The following GFOD1 variants were observed in gnomAD, a reference collection of about 807,000 sequenced individuals.
The protein encoded by GFOD1 is Gfo/Idh/MocA-like oxidoreductase domain containing 1, also known as glucose-fructose oxidoreductase domain-containing protein 1.
A neutral mutation model predicts 25.4 loss-of-function variants in GFOD1; 9 were observed. The observed-to-expected ratio is 0.35, with a 90% CI of 0.21 to 0.62. GFOD1 has a LOEUF of 0.62. Ranked by LOEUF, GFOD1 falls within the 20% of genes least tolerant of loss-of-function variation. The probability of loss-of-function intolerance (pLI) is 0.72; values close to 1 mark genes in which losing one functional copy is unlikely to be tolerated. For synonymous variants in GFOD1, 253 were observed against 245.6 expected, an observed-to-expected ratio of 1.03 and a Z score of -0.28; for missense variants, 403 against 556.9, an observed-to-expected ratio of 0.72 and a Z score of 2.78.
chr6:13,466,222 C>T (rs541791946), intron 1 of GFOD1, among the ~76,000 whole-genome samples: 2 of 152,256 alleles, frequency 1.3e-5, no homozygotes, highest in Non-Finnish European at 2.9e-5. Flanking sequence ...GGTATAGTGC[C>T]TTCTCTTTAT....
Position 13,365,050 on chromosome 6 carries a change from A to G in GFOD1, c.866T>C (p.Leu289Pro). ...VQDATPVSNS[L>P]LPEKAFSDIP... is the part of the protein sequence containing the mutation. ...GTCGCTGAAGGCCTTCTCCGGAAGC[A>G]GGGAGTTGCTCACCGGCGTGGCGTC... is the stretch of plus-strand genomic sequence containing the variant. The change falls in exon 2 of 2, where the codon CTG (leucine) becomes CCG (proline). Residue 289 changes from leucine (L) to proline (P), a missense_variant. Leu to Pro is a moderately conservative substitution (Grantham distance 98). Transcript: ENST00000379287. The surrounding 1 kb of genome is among the most constrained non-coding windows in gnomAD (Gnocchi z 9.2). 1 of 1,611,006 alleles carries G rather than the reference A, an allele frequency of 6.2e-7. No individual in the cohort carries two copies. The highest frequency in any genetic ancestry group is 8.5e-7 in the Non-Finnish European group (1 of 1,179,894).
chr6:13,403,912 T>C (rs1785896922), intron 1 of GFOD1, among the ~76,000 whole-genome samples: 1 of 152,230 alleles, frequency 6.6e-6, no homozygotes, highest in Non-Finnish European at 1.5e-5. Flanking sequence ...GGTTTATTTC[T>C]GGGGTGATGA....
intron 1 of GFOD1, among the ~76,000 whole-genome samples, chr6:13,367,452 A>T (rs534926196): frequency 1.5e-4 from 23 of 152,318 alleles, no homozygotes; most frequent in Admixed American, 1.4e-3. Flanking sequence ...AGGAGTTGGC[A>T]GTGCCTGCTT....
At chr6:13,403,109 GTT>G (rs145172680) in intron 1 of GFOD1, among the ~76,000 whole-genome samples, 3 of 131,864 alleles carry the variant, frequency 2.3e-5, no homozygotes, top group Non-Finnish European at 5.0e-5. Context: ...TGTGTGTGTG[GTT>G]TTTTTTTTTT....
At chr6:13,413,392 C>T (rs973258673) in intron 1 of GFOD1, among the ~76,000 whole-genome samples, 1 of 152,208 alleles carries the variant, frequency 6.6e-6, no homozygotes, top group Non-Finnish European at 1.5e-5. Flanking sequence ...CTGGAGTCAG[C>T]ATGCACAATG....
intron 1 of GFOD1, among the ~76,000 whole-genome samples, chr6:13,414,652 T>C (rs1457189896): frequency 6.6e-6 from 1 of 152,206 alleles, no homozygotes; most frequent in East Asian, 1.9e-4. Context: ...ATCATAGGCA[T>C]GTTGGGAAAA....
At chr6:13,451,464 C>T (rs1584660022) in intron 1 of GFOD1, among the ~76,000 whole-genome samples, 1 of 152,056 alleles carries the variant, frequency 6.6e-6, no homozygotes, top group African/African-American at 2.4e-5. Flanking sequence ...GTAGAGAACA[C>T]AGGCTCAGGG....
At chr6:13,482,661 T>A (rs1304405413) in intron 1 of GFOD1, among the ~76,000 whole-genome samples, 1 of 152,028 alleles carries the variant, frequency 6.6e-6, no homozygotes, top group African/African-American at 2.4e-5. Flanking sequence ...AGCAGGAGAA[T>A]CACTTGAACC....
Position 13,487,031 on chromosome 6 carries a change from C to G in GFOD1, c.-141G>C. On this transcript the variant is annotated 5_prime_UTR_variant, in exon 1 of 2. Transcript: ENST00000379287. The surrounding 1 kb of genome is among the most constrained non-coding windows in gnomAD (Gnocchi z 4.9). ...GCCAGCCGCCGTGCACCGGGCAAGG[C>G]GCCCGGGTGCCCAGAGCGCACCGAG... The G allele has an allele frequency of 9.6e-7, 1 of 1,039,522 alleles. No homozygotes were observed. Among genetic ancestry groups the G allele is most frequent in the Non-Finnish European group, 1.4e-6 (1 of 734,288 alleles). 64.4% of individuals were successfully genotyped at this position (1,039,522 alleles called of 1,614,324 possible). A position where few individuals can be genotyped will look rare whatever the true frequency, so the allele number is the denominator to read the frequency against.
chr6:13,375,536 T>C (rs144156940), intron 1 of GFOD1, among the ~76,000 whole-genome samples: 34 of 152,362 alleles, frequency 2.2e-4, no homozygotes, highest in African/African-American at 7.7e-4. Flanking sequence ...GTGACTCATA[T>C]TCAGCTCCTG....
chr6:13,478,989 G>A (rs574818240), intron 1 of GFOD1, among the ~76,000 whole-genome samples: 3 of 151,408 alleles, frequency 2.0e-5, no homozygotes, highest in Non-Finnish European at 4.4e-5. Flanking sequence ...GAGTGATCAC[G>A]TAGCTGTGAA....
intron 1 of GFOD1, among the ~76,000 whole-genome samples, chr6:13,384,283 G>A (rs949679757): frequency 2.0e-5 from 3 of 152,098 alleles, no homozygotes; most frequent in Admixed American, 6.5e-5. Context: ...TTACTCTTTC[G>A]ATTTATGAGT....
intron 1 of GFOD1, among the ~76,000 whole-genome samples, chr6:13,479,600 T>C (rs1285580736): frequency 6.6e-6 from 1 of 152,244 alleles, no homozygotes; most frequent in African/African-American, 2.4e-5. Context: ...GTTGCTCTTC[T>C]TCCCCAGTTT....
intron 1 of GFOD1, among the ~76,000 whole-genome samples, chr6:13,388,778 T>C (rs908150418): frequency 2.0e-4 from 30 of 152,176 alleles, no homozygotes; most frequent in Admixed American, 3.9e-4. Flanking sequence ...CTAATTAAAC[T>C]GAAAAGTTTC....
At chr6:13,411,584 G>A (rs372534728) in intron 1 of GFOD1, among the ~76,000 whole-genome samples, 5 of 152,186 alleles carry the variant, frequency 3.3e-5, no homozygotes, top group South Asian at 2.1e-4. Flanking sequence ...GAGCCACCGC[G>A]CCTGGCCCTC....
chr6:13,386,859 A>G (rs994140193), intron 1 of GFOD1, among the ~76,000 whole-genome samples: 1 of 152,168 alleles, frequency 6.6e-6, no homozygotes, highest in African/African-American at 2.4e-5. Context: ...CCGGCCCTAC[A>G]GGGGGTTCAA....
intron 1 of GFOD1, among the ~76,000 whole-genome samples, chr6:13,466,839 C>T (rs1425756381): frequency 6.6e-6 from 1 of 152,122 alleles, no homozygotes; most frequent in Non-Finnish European, 1.5e-5. Flanking sequence ...GTTATTCATG[C>T]AGATGTGTTC....
intron 1 of GFOD1, among the ~76,000 whole-genome samples, chr6:13,442,344 C>T (rs963243429): frequency 2.0e-5 from 3 of 152,190 alleles, no homozygotes; most frequent in African/African-American, 7.2e-5. Flanking sequence ...TCTATCAGCA[C>T]CATCTTTCCA....
intron 1 of GFOD1, among the ~76,000 whole-genome samples, chr6:13,378,268 TG>T (rs1165507977): frequency 2.6e-5 from 4 of 152,154 alleles, no homozygotes; most frequent in African/African-American, 9.7e-5. Context: ...ATGAGTGGAA[TG>T]GGGGATAGGA....
Sources: allele counts gnomAD v4.1 joint callset (sites outside exome capture counted in the v4.1 genomes callset), GRCh38; gene constraint gnomAD v4.1.1; non-coding constraint Gnocchi (gnomAD v3.1); transcripts MANE v1.5; gene names NCBI Gene and HGNC (gene_info 2026-07-23, HGNC 2026-07-21).